WDR7: variants seen among roughly 807,000 people sequenced by gnomAD.
WDR7 encodes the protein WD repeat-containing protein 7.
A neutral mutation model predicts 169.4 loss-of-function variants in WDR7; 46 were observed. The ratio of observed to expected loss-of-function variants is 0.27; its 90% CI spans 0.21 to 0.35. The LOEUF (loss-of-function observed/expected upper bound fraction) is 0.35, where lower values mean the gene tolerates loss of function less well. WDR7 is among the 10% of genes least tolerant of loss of function. WDR7 has a pLI of 1.00. For missense variants in WDR7, 1,534 were observed against 1,859.3 expected, an observed-to-expected ratio of 0.83 and a Z score of 3.22; for synonymous variants, 612 against 666.8, an observed-to-expected ratio of 0.92 and a Z score of 1.27.
intron 25 of WDR7, among the ~76,000 whole-genome samples, chr18:56,960,045 A>T (rs1383425667): frequency 6.6e-6 from 1 of 152,206 alleles, no homozygotes; most frequent in Non-Finnish European, 1.5e-5. Flanking sequence ...TTTAACAAGA[A>T]ATCCTAAGAT....
intron 19 of WDR7, among the ~76,000 whole-genome samples, chr18:56,800,886 A>G (rs564178468): frequency 6.6e-6 from 1 of 152,286 alleles, no homozygotes; most frequent in South Asian, 2.1e-4. Context: ...TAATGGAGGT[A>G]TTAGACACTA....
intron 21 of WDR7, among the ~76,000 whole-genome samples, chr18:56,882,859 G>T (rs182864036): frequency 8.5e-5 from 13 of 152,264 alleles, no homozygotes; most frequent in Non-Finnish European, 1.3e-4. Context: ...ATATTTTCCT[G>T]CAAGGAGAGT....
chr18:56,665,983 C>T (rs995917085), intron 1 of WDR7, among the ~76,000 whole-genome samples: 4 of 152,014 alleles, frequency 2.6e-5, no homozygotes, highest in African/African-American at 9.7e-5. Flanking sequence ...TTTATATTTC[C>T]ATATTGATCC....
In WDR7 at chr18:56,655,054, C is replaced by T. The variant is rs1375453569; in HGVS notation, c.-20+3478C>T. Among the ~76,000 whole-genome samples the T allele has an allele frequency of 3.9e-5, 6 of 152,140 alleles. No homozygotes were observed. The East Asian group carries it at 1.2e-3, about 29-fold the overall frequency. ...ATGGTTTTGTAGTAGTATGTTTTTTCCTCCTATATAAATAACTCTTCCCAT... is the reference window on the plus strand; with the variant it reads ...ATGGTTTTGTAGTAGTATGTTTTTTTCTCCTATATAAATAACTCTTCCCAT... On this transcript the variant is annotated intron_variant, in intron 1 of 27. Transcript: ENST00000254442.
chr18:56,956,501 G>A (rs1023657940), intron 25 of WDR7, among the ~76,000 whole-genome samples: 2 of 152,148 alleles, frequency 1.3e-5, no homozygotes, highest in Non-Finnish European at 2.9e-5. Flanking sequence ...TTTAGGCTGA[G>A]CTCCTCAAGT....
intron 26 of WDR7, among the ~76,000 whole-genome samples, chr18:56,999,732 A>T (rs2145882127): frequency 6.6e-6 from 1 of 152,302 alleles, no homozygotes; most frequent in Middle Eastern, 3.4e-3. Flanking sequence ...CTATCATCTT[A>T]TACAATAAAT....
chr18:56,942,827 T>C (rs1346246030), intron 25 of WDR7, among the ~76,000 whole-genome samples: 1 of 152,190 alleles, frequency 6.6e-6, no homozygotes, highest in Non-Finnish European at 1.5e-5. Flanking sequence ...TACCAGAACA[T>C]AGTTGATAAC....
At chr18:56,752,442 T>C (rs2043809916) in intron 14 of WDR7, among the ~76,000 whole-genome samples, 1 of 152,162 alleles carries the variant, frequency 6.6e-6, no homozygotes, top group African/African-American at 2.4e-5. Context: ...TGCCTTGCCA[T>C]CTCTCTTTAT....
chr18:57,010,362 C>G (rs1021880665), intron 26 of WDR7: 1 of 894,518 alleles, frequency 1.1e-6, no homozygotes, highest in African/African-American at 1.8e-5. Context: ...CCACATTTAT[C>G]TAAATTATAT....
intron 14 of WDR7, among the ~76,000 whole-genome samples, chr18:56,755,608 A>G (rs1473471815): frequency 6.6e-6 from 1 of 152,234 alleles, no homozygotes; most frequent in Non-Finnish European, 1.5e-5. Flanking sequence ...TGAGGTAGGT[A>G]CTGTGGGATA....
At chr18:56,760,514 C>T (rs7229082) in intron 16 of WDR7, among the ~76,000 whole-genome samples, 10,153 of 152,176 alleles carry the variant, frequency 0.067, 783 homozygotes, top group African/African-American at 0.19. Context: ...CATAGTTTGT[C>T]CATTTTCATT....
intron 20 of WDR7, among the ~76,000 whole-genome samples, chr18:56,877,188 T>C (rs1051266007): frequency 6.6e-6 from 1 of 152,160 alleles, no homozygotes; most frequent in Non-Finnish European, 1.5e-5. Flanking sequence ...TAGAGAATAC[T>C]GTAAATAATT....
intron 2 of WDR7, 94 bp downstream of exon 2, chr18:56,672,768 G>A (rs1294690331): frequency 8.9e-5 from 110 of 1,233,514 alleles, no homozygotes; most frequent in Non-Finnish European, 1.1e-4. Context: ...TGGGCCCACA[G>A]TAGATTTTCT....
intron 17 of WDR7, among the ~76,000 whole-genome samples, chr18:56,779,016 T>G (rs909965586): frequency 1.3e-5 from 2 of 152,222 alleles, no homozygotes; most frequent in African/African-American, 4.8e-5. Context: ...TTAAGTGACA[T>G]GAACCTATTT....
At chr18:56,695,564 G>A (rs2025682559) in intron 11 of WDR7, among the ~76,000 whole-genome samples, 1 of 147,414 alleles carries the variant, frequency 6.8e-6, no homozygotes, top group African/African-American at 2.5e-5. Context: ...CCGAGAAAGA[G>A]TCTCACTGTG....
intron 25 of WDR7, among the ~76,000 whole-genome samples, chr18:56,949,331 ATTGAT>A (rs2145731637): frequency 6.6e-6 from 1 of 152,310 alleles, no homozygotes; most frequent in East Asian, 1.9e-4. Flanking sequence ...TTTTAAAAAT[ATTGAT>A]TTATTTAAAA....
intron 1 of WDR7, among the ~76,000 whole-genome samples, chr18:56,658,499 T>G (rs2024828436): frequency 6.6e-6 from 1 of 152,230 alleles, no homozygotes; most frequent in African/African-American, 2.4e-5. Flanking sequence ...TTGCACATCA[T>G]GTTTCTCTCT....
At chr18:56,824,766 A>G (rs2045167069) in intron 20 of WDR7, among the ~76,000 whole-genome samples, 1 of 152,236 alleles carries the variant, frequency 6.6e-6, no homozygotes, top group Non-Finnish European at 1.5e-5. Flanking sequence ...GTTAGTCACT[A>G]TTGTTTCTGT....
At chr18:56,816,349 C>T (rs1303304797) in intron 20 of WDR7, among the ~76,000 whole-genome samples, 1 of 152,130 alleles carries the variant, frequency 6.6e-6, no homozygotes, top group African/African-American at 2.4e-5. Flanking sequence ...TCCAGGTTTG[C>T]TCATTGTAGT....
Sources: allele counts gnomAD v4.1 joint callset (sites outside exome capture counted in the v4.1 genomes callset), GRCh38; gene constraint gnomAD v4.1.1; transcripts MANE v1.5; gene names NCBI Gene and HGNC (gene_info 2026-07-23, HGNC 2026-07-21).